Variants in UGT1A6 observed in about 807,000 individuals in gnomAD.
The protein encoded by UGT1A6 is UDP glucuronosyltransferase family 1 member A6, also known as UDP-glucuronosyltransferase 1A6.
In UGT1A6, 32 loss-of-function variants were observed where a neutral mutation model predicts 44.4. The ratio of observed to expected loss-of-function variants is 0.72; its 90% CI spans 0.54 to 0.97. UGT1A6 has a LOEUF of 0.97. UGT1A6 is among the 50% of genes least tolerant of loss of function. The probability of loss-of-function intolerance (pLI) is 0.00; values close to 1 mark genes in which losing one functional copy is unlikely to be tolerated. For missense variants in UGT1A6, 685 were observed against 661.9 expected, an observed-to-expected ratio of 1.03 and a Z score of -0.38; for synonymous variants, 238 against 248.5, an observed-to-expected ratio of 0.96 and a Z score of 0.40.
At chr2:233,752,814 C>T (rs1695070900) in intron 1 of UGT1A6, among the ~76,000 whole-genome samples, 1 of 152,214 alleles carries the variant, frequency 6.6e-6, no homozygotes, top group African/African-American at 2.4e-5. Flanking sequence ...GAACACTTCC[C>T]ATTTATGACA....
chr2:233,730,924 C>G (rs2078090552), intron 1 of UGT1A6, among the ~76,000 whole-genome samples: 1 of 152,176 alleles, frequency 6.6e-6, no homozygotes, highest in Non-Finnish European at 1.5e-5. Context: ...AGGCAGCTTT[C>G]ATTAATCCAG....
chr2:233,712,586 G>T (rs1354948731), intron 1 of UGT1A6, among the ~76,000 whole-genome samples: 1 of 152,210 alleles, frequency 6.6e-6, no homozygotes, highest in African/African-American at 2.4e-5. Context: ...ATCCAGCAGA[G>T]ACCATATGGT....
chr2:233,755,135 T>C, intron 1 of UGT1A6: 2 of 1,315,650 alleles, frequency 1.5e-6, no homozygotes, highest in Non-Finnish European at 2.1e-6. Context: ...CCTGCTTGAA[T>C]CTTCTCACCG....
chr2:233,720,461 C>T (rs1003798976), intron 1 of UGT1A6, among the ~76,000 whole-genome samples: 2 of 151,944 alleles, frequency 1.3e-5, no homozygotes, highest in African/African-American at 4.8e-5. Flanking sequence ...AAGCTGGGAC[C>T]AGTGATGAAT....
rs531565456 is a variant in UGT1A6 at position 233,748,436 on chromosome 2, T to C, written c.862-18598T>C. On this transcript the variant is annotated intron_variant, in intron 1 of 4. Coordinates refer to ENST00000305139, the MANE Select transcript of UGT1A6 (RefSeq NM_001072.4). ...AGACTTGACCCATCTGGATTTTTTG[T>C]TTGCACAATTTTCAGGGGAAAGATG... Among the ~76,000 whole-genome samples the C allele has an allele frequency of 2.0e-5, 3 of 151,942 alleles. No individual in the cohort carries two copies. In the East Asian group the frequency reaches 5.8e-4, roughly 29 times the overall value.
intron 2 of UGT1A6, 143 bp from the exon 3 acceptor site, chr2:233,767,706 A>C (rs1467899863): frequency 1.1e-5 from 16 of 1,521,756 alleles, no homozygotes; most frequent in Admixed American, 2.0e-5. Flanking sequence ...GCCAGTCCTC[A>C]GAAGCCTTCA....
At chr2:233,729,370 A>G (rs1463056784) in intron 1 of UGT1A6, 15 of 1,613,960 alleles carry the variant, frequency 9.3e-6, no homozygotes, top group Non-Finnish European at 1.2e-5. Flanking sequence ...AACCTATGCC[A>G]TTTCGTGGAC....
chr2:233,768,117 TGTGA>T, intron 3 of UGT1A6, 99 bp from the exon 4 acceptor site: 1 of 1,600,038 alleles, frequency 6.2e-7, no homozygotes, highest in Non-Finnish European at 8.5e-7. Flanking sequence ...TGCAAGGGCA[TGTGA>T]GTAACACTGA....
chr2:233,763,021 T>C (rs1698218577), intron 1 of UGT1A6, among the ~76,000 whole-genome samples: 1 of 152,256 alleles, frequency 6.6e-6, no homozygotes, highest in Non-Finnish European at 1.5e-5. Context: ...TTGCATTATG[T>C]TAGCCATTGT....
chr2:233,761,167 G>C, intron 1 of UGT1A6: 1 of 1,614,098 alleles, frequency 6.2e-7, no homozygotes. Flanking sequence ...TATTGGAGTG[G>C]GACTTTTACA....
At position 233,767,866 on chromosome 2, in the gene UGT1A6, T is replaced by G. The variant is rs772563329; in HGVS notation, c.1011T>G (p.Thr337=). Reference sequence around the variant, plus strand: ...CCTCCCAGGTCCTGTGGCGGTACACTGGAACCCGACCATCGAATCTTGCGA... The same window carrying G: ...CCTCCCAGGTCCTGTGGCGGTACACGGGAACCCGACCATCGAATCTTGCGA... ...KIPQTVLWRY[T]GTRPSNLANN... The change falls in exon 3 of 5, where the codon ACT becomes ACG. Residue 337 remains threonine (T), a synonymous_variant. Coordinates refer to ENST00000305139, the MANE Select transcript of UGT1A6 (RefSeq NM_001072.4). The G allele has an allele frequency of 3.1e-6, 5 of 1,614,214 alleles. No individual in the cohort carries two copies. The highest frequency in any genetic ancestry group is 4.2e-6 in the Non-Finnish European group (5 of 1,180,038).
chr2:233,743,525 C>T (rs1559387146), intron 1 of UGT1A6: 1 of 1,367,234 alleles, frequency 7.3e-7, no homozygotes, highest in Non-Finnish European at 9.8e-7. Flanking sequence ...CTTCTGCTTC[C>T]CCAGCAGTTC....
intron 1 of UGT1A6, among the ~76,000 whole-genome samples, chr2:233,732,497 G>A (rs2078278332): frequency 6.6e-6 from 1 of 152,228 alleles, no homozygotes; most frequent in Non-Finnish European, 1.5e-5. Flanking sequence ...TAAGGCGTAA[G>A]GAAGGGATCC....
Position 233,747,854 on chromosome 2 carries a change from G to C in UGT1A6, c.862-19180G>C, listed in dbSNP as rs28900382. 4.1e-4 allele frequency: 669 copies of C among 1,613,508 alleles called. 5 individuals are homozygous for C. The East Asian group carries it at 0.011, about 27-fold the overall frequency. On this transcript the variant is annotated intron_variant, in intron 1 of 4. Coordinates refer to ENST00000305139, the MANE Select transcript of UGT1A6 (RefSeq NM_001072.4). ...CATTCCTGCAAAGGGTCAAGAACAT[G>C]CTCTACCCTCTGGCCCTGTCCTACC...
At position 233,725,197 on chromosome 2, in the gene UGT1A6, C is replaced by G. The variant is rs183860264; in HGVS notation, c.861+31332C>G. 1.8e-3 allele frequency among the ~76,000 whole-genome samples: 143 copies of G among 80,676 alleles called. 7 individuals are homozygous for G. The highest frequency in any genetic ancestry group is 6.4e-3 in the Middle Eastern group (1 of 156). The allele number at this position is 80,676 out of a possible 152,430, so 52.9% of individuals were successfully genotyped here. A position where few individuals can be genotyped will look rare whatever the true frequency, so the allele number is the denominator to read the frequency against. On this transcript the variant is annotated intron_variant, in intron 1 of 4. Transcript: ENST00000305139. ...CCGTGGGGAGAGGCAGAGGCAGAGG[C>G]AGAGGCAGAGGCAGAGGCAGAGGAG...
At chr2:233,727,226 G>A (rs1435452926) in intron 1 of UGT1A6, among the ~76,000 whole-genome samples, 6 of 152,126 alleles carry the variant, frequency 3.9e-5, no homozygotes, top group Non-Finnish European at 8.8e-5. Flanking sequence ...CCACATATGC[G>A]GATGGCTCCA....
At chr2:233,747,351 G>A (rs1693640886) in intron 1 of UGT1A6, 1 of 1,603,176 alleles carries the variant, frequency 6.2e-7, no homozygotes, top group Non-Finnish European at 8.5e-7. Context: ...CATGCGGGAG[G>A]CCGTGCGGGA....
chr2:233,749,307 G>A (rs1308092621), intron 1 of UGT1A6, among the ~76,000 whole-genome samples: 5 of 151,782 alleles, frequency 3.3e-5, no homozygotes, highest in Non-Finnish European at 7.4e-5. Context: ...TAAAATATGT[G>A]TTTATTAGAT....
At chr2:233,713,262 C>G in intron 1 of UGT1A6, 1 of 1,614,080 alleles carries the variant, frequency 6.2e-7, no homozygotes, top group Non-Finnish European at 8.5e-7. Context: ...CGAATTTGAT[C>G]GCCTTTTGCT....
Sources: allele counts gnomAD v4.1 joint callset (sites outside exome capture counted in the v4.1 genomes callset), GRCh38; gene constraint gnomAD v4.1.1; transcripts MANE v1.5; gene names NCBI Gene and HGNC (gene_info 2026-07-23, HGNC 2026-07-21).